SNRK: variants seen among roughly 807,000 people sequenced by gnomAD.
The protein encoded by SNRK is SNF related kinase, also known as SNF-related serine/threonine-protein kinase.
In SNRK, 3 loss-of-function variants were observed where a neutral mutation model predicts 48.2. The ratio of observed to expected loss-of-function variants is 0.06; its 90% CI spans 0.03 to 0.16. SNRK has a LOEUF of 0.16. Ranked by LOEUF, SNRK falls within the 10% of genes least tolerant of loss-of-function variation. The probability of loss-of-function intolerance (pLI) is 1.00; values close to 1 mark genes in which losing one functional copy is unlikely to be tolerated. For synonymous variants in SNRK, 376 were observed against 366.1 expected (o/e 1.03, Z -0.31); for missense variants, 627 against 976.0 (o/e 0.64, Z 4.76).
intron 1 of SNRK, among the ~76,000 whole-genome samples, 172 bp downstream of exon 1, chr3:43,286,847 C>A (rs1380990901): frequency 2.1e-5 from 3 of 145,708 alleles, no homozygotes; most frequent in Non-Finnish European, 3.0e-5. Flanking sequence ...GCGCGCGGCC[C>A]GGGAGGACGC....
chr3:43,316,648 C>G (rs773961901), intron 3 of SNRK, among the ~76,000 whole-genome samples: 2 of 151,834 alleles, frequency 1.3e-5, no homozygotes, highest in Non-Finnish European at 2.9e-5. Context: ...CCCTGCCTCC[C>G]ATTTTTAACC....
At chr3:43,311,394 C>G (rs1035787473) in intron 3 of SNRK, among the ~76,000 whole-genome samples, 2 of 152,154 alleles carry the variant, frequency 1.3e-5, no homozygotes, top group African/African-American at 2.4e-5. Context: ...CTGATCCTAC[C>G]TGCCTTCTAC....
intron 1 of SNRK, among the ~76,000 whole-genome samples, chr3:43,293,177 C>A (rs201905313): frequency 1.3e-5 from 2 of 151,758 alleles, no homozygotes; most frequent in Non-Finnish European, 2.9e-5. Flanking sequence ...GATCTCGGCT[C>A]ACTACAGCAT....
chr3:43,300,495 A>G (rs2090890519), intron 2 of SNRK, among the ~76,000 whole-genome samples: 1 of 152,186 alleles, frequency 6.6e-6, no homozygotes. Context: ...TGTGTTTTGA[A>G]AGCTAAAGTG....
In SNRK at chr3:43,307,129, A is replaced by G. The variant is rs182732358; in HGVS notation, c.589+3337A>G. ...TCTGAGAGAATAATGGTAGTCTTCTATTCTCATCTGTGAATTTTGTAATTT... is the reference window on the plus strand; with the variant it reads ...TCTGAGAGAATAATGGTAGTCTTCTGTTCTCATCTGTGAATTTTGTAATTT... On this transcript the variant is annotated intron_variant, in intron 3 of 6. Coordinates refer to ENST00000296088, the MANE Select transcript of SNRK (RefSeq NM_017719.5). 4.6e-5 allele frequency among the ~76,000 whole-genome samples: 7 copies of G among 152,268 alleles called. No homozygotes were observed. In the East Asian group the frequency reaches 5.8e-4, roughly 13 times the overall value.
At chr3:43,328,841 G>C in intron 3 of SNRK, among the ~76,000 whole-genome samples, 1 of 152,084 alleles carries the variant, frequency 6.6e-6, no homozygotes, top group East Asian at 1.9e-4. Context: ...AGTGGCTTGG[G>C]AGGCTTGTAA....
Position 43,303,200 on chromosome 3 carries a change from C to T in SNRK, c.-4C>T. On this transcript the variant is annotated 5_prime_UTR_variant, in exon 3 of 7. Coordinates refer to ENST00000296088, the MANE Select transcript of SNRK (RefSeq NM_017719.5). The surrounding 1 kb of genome is among the most constrained non-coding windows in gnomAD (Gnocchi z 6.2). ...CTAAATATTTTTTCTTCTGTTGGAC[C>T]AGCATGGCAGGATTTAAGCGAGGGT... 6.2e-7 allele frequency: 1 copy of T among 1,604,968 alleles called. No individual in the cohort carries two copies. Among genetic ancestry groups the T allele is most frequent in the Non-Finnish European group, 8.5e-7 (1 of 1,173,204 alleles).
At position 43,306,236 on chromosome 3, in the gene SNRK, A is replaced by T. The variant is rs914165496; in HGVS notation, c.589+2444A>T. 4.7e-5 allele frequency among the ~76,000 whole-genome samples: 6 copies of T among 126,536 alleles called. No homozygotes were observed. The South Asian group carries it at 1.7e-3, about 37-fold the overall frequency. The allele number at this position is 126,536 out of a possible 152,430, so 83.0% of individuals were successfully genotyped here. A position where few individuals can be genotyped will look rare whatever the true frequency, so the allele number is the denominator to read the frequency against. On this transcript the variant is annotated intron_variant, in intron 3 of 6. Transcript: ENST00000296088. Reference sequence around the variant, plus strand: ...AATAAATATAGAATTGCTATTTTTAAAAAAAAGGACAGGTGTCTTTCTGTT... The same window carrying T: ...AATAAATATAGAATTGCTATTTTTATAAAAAAGGACAGGTGTCTTTCTGTT...
Position 43,348,303 on chromosome 3 carries a change from A to G in SNRK, c.2044A>G (p.Lys682Glu), listed in dbSNP as rs777298284. 2 of 1,613,822 alleles carry G rather than the reference A, an allele frequency of 1.2e-6. No homozygotes were observed. The highest frequency in any genetic ancestry group is 1.7e-6 in the Non-Finnish European group (2 of 1,179,918). Reference sequence around the variant, plus strand: ...ATTTTCCAGTGTGAAAGTCCAAGAGAAATCTACGTGGAAAATGTGCATTAG... The same window carrying G: ...ATTTTCCAGTGTGAAAGTCCAAGAGGAATCTACGTGGAAAATGTGCATTAG... The part of the protein sequence containing the change: ...LSFSSVKVQE[K>E]STWKMCISST... Residue 682 changes from lysine (K) to glutamate (E), a missense_variant, in exon 7 of 7, where the codon AAA (lysine) becomes GAA (glutamate). By Grantham distance (56) the Lys-to-Glu change is moderately conservative (BLOSUM62 1). Transcript: ENST00000296088.
intron 3 of SNRK, among the ~76,000 whole-genome samples, chr3:43,319,209 G>A (rs2091035342): frequency 6.6e-6 from 1 of 152,092 alleles, no homozygotes; most frequent in Non-Finnish European, 1.5e-5. Context: ...TGATCTATTA[G>A]CCTTATATAG....
chr3:43,348,501 C>G lies in SNRK; in HGVS notation c.2242C>G (p.Pro748Ala), dbSNP rs1198750333. ...KTISVNIQRN[P>A]KEGLLCASSP... is the part of the protein sequence containing the mutation. ...CATCTCTGTGAACATCCAGCGGAACCCTAAGGAGGGGCTGCTGTGCGCATC... is the reference window on the plus strand; with the variant it reads ...CATCTCTGTGAACATCCAGCGGAACGCTAAGGAGGGGCTGCTGTGCGCATC... The change falls in exon 7 of 7, where the codon CCT (proline) becomes GCT (alanine). Residue 748 changes from proline to alanine, a missense_variant. By Grantham distance (27) the Pro-to-Ala change is conservative. Coordinates refer to ENST00000296088, the MANE Select transcript of SNRK (RefSeq NM_017719.5). 6.3e-7 allele frequency: 1 copy of G among 1,579,842 alleles called. No individual in the cohort carries two copies.
At chr3:43,335,867 C>T (rs1030716332) in intron 4 of SNRK, among the ~76,000 whole-genome samples, 1 of 152,156 alleles carries the variant, frequency 6.6e-6, no homozygotes, top group East Asian at 1.9e-4. Flanking sequence ...CTAATTTCAG[C>T]CACACCAGTC....
intron 3 of SNRK, among the ~76,000 whole-genome samples, chr3:43,309,616 T>TG (rs1176969210): frequency 5.3e-5 from 8 of 151,158 alleles, no homozygotes; most frequent in East Asian, 1.9e-4. Flanking sequence ...AATAAGGTTT[T>TG]TTTTTTTTTT....
At chr3:43,295,900 A>T (rs1441994722) in intron 1 of SNRK, among the ~76,000 whole-genome samples, 1 of 151,956 alleles carries the variant, frequency 6.6e-6, no homozygotes, top group Non-Finnish European at 1.5e-5. Flanking sequence ...CACCACGCCC[A>T]GCTAATTTTT....
At position 43,336,898 on chromosome 3, in the gene SNRK, G is replaced by A. The variant is rs535420797; in HGVS notation, c.732-3389G>A. On this transcript the variant is annotated intron_variant, in intron 4 of 6. Transcript: ENST00000296088. Reference sequence around the variant, plus strand: ...CTCCCAAGTAGCTGAGACTACAGGCGCCCGCCATCACGCTTGGCTAATTTT... The same window carrying A: ...CTCCCAAGTAGCTGAGACTACAGGCACCCGCCATCACGCTTGGCTAATTTT... Among the ~76,000 whole-genome samples the A allele has an allele frequency of 2.6e-5, 4 of 151,940 alleles. No homozygotes were observed. In the South Asian group the frequency reaches 6.2e-4, roughly 24 times the overall value.
At chr3:43,320,212 G>A (rs1321434518) in intron 3 of SNRK, among the ~76,000 whole-genome samples, 1 of 152,116 alleles carries the variant, frequency 6.6e-6, no homozygotes, top group Non-Finnish European at 1.5e-5. Flanking sequence ...AAAATTGGAG[G>A]TAAGGTTATA....
intron 1 of SNRK, among the ~76,000 whole-genome samples, chr3:43,293,666 G>A (rs1173020146): frequency 6.6e-6 from 1 of 152,048 alleles, no homozygotes; most frequent in Admixed American, 6.6e-5. Context: ...TGTAATCCCA[G>A]CACCTCGGGA....
At chr3:43,345,798 T>G (rs1344703980) in intron 6 of SNRK, among the ~76,000 whole-genome samples, 1 of 152,202 alleles carries the variant, frequency 6.6e-6, no homozygotes, top group Non-Finnish European at 1.5e-5. Context: ...ATCAAGTAGC[T>G]TAAGGTTTCT....
intron 4 of SNRK, among the ~76,000 whole-genome samples, chr3:43,336,299 CCTTGCTCTCTCCCTCT>C (rs2091188081): frequency 1.6e-5 from 1 of 61,736 alleles, no homozygotes; most frequent in South Asian, 7.6e-4. Flanking sequence ...TCTCTCCCTC[CCTTGCTCTCTCCCTCT>C]GTCCGCCTTC....
Sources: allele counts gnomAD v4.1 joint callset (sites outside exome capture counted in the v4.1 genomes callset), GRCh38; gene constraint gnomAD v4.1.1; non-coding constraint Gnocchi (gnomAD v3.1); transcripts MANE v1.5; gene names NCBI Gene and HGNC (gene_info 2026-07-23, HGNC 2026-07-21).